Variants in PPP6R3 observed in about 807,000 individuals in gnomAD.
PPP6R3 encodes protein phosphatase 6 regulatory subunit 3.
Under a neutral mutation model 110.7 loss-of-function variants are expected in PPP6R3, and 38 were observed. The observed-to-expected ratio is 0.34, with a 90% CI of 0.26 to 0.45. The LOEUF is 0.45. PPP6R3 is among the 20% of genes least tolerant of loss of function. The pLI is 1.00. For synonymous variants in PPP6R3, 369 were observed against 373.5 expected (o/e 0.99, Z 0.14); for missense variants, 870 against 1,062.4 (o/e 0.82, Z 2.52).
rs954705194 is a variant in PPP6R3, at chr11:68,496,641, T to G, written c.-157-22860T>G. 7.9e-5 allele frequency among the ~76,000 whole-genome samples: 12 copies of G among 151,946 alleles called. 1 individual carries two copies. The South Asian group carries it at 1.0e-3, about 13-fold the overall frequency. ...GTGTGTGCCACCGCATCTGGCTAAT[T>G]TTTGTATTTTTAGTAGAGTCGGGGT... On this transcript the variant is annotated intron_variant, in intron 1 of 23. Transcript: ENST00000393800.
intron 1 of PPP6R3, among the ~76,000 whole-genome samples, chr11:68,516,410 A>G (rs1265210197): frequency 1.3e-5 from 2 of 152,244 alleles, no homozygotes; most frequent in African/African-American, 4.8e-5. Context: ...GGATATATGT[A>G]TAAAGTATAC....
intron 1 of PPP6R3, among the ~76,000 whole-genome samples, chr11:68,494,141 A>T (rs1226828736): frequency 6.6e-6 from 1 of 150,642 alleles, no homozygotes; most frequent in Non-Finnish European, 1.5e-5. Context: ...AGATAATTAG[A>T]TTTTTTTTGT....
intron 3 of PPP6R3, among the ~76,000 whole-genome samples, chr11:68,540,762 G>T (rs1221898078): frequency 6.6e-6 from 1 of 152,174 alleles, no homozygotes; most frequent in Non-Finnish European, 1.5e-5. Context: ...CTGAGAAAAA[G>T]AATTGAGCGA....
At position 68,606,125 on chromosome 11, in the gene PPP6R3, A is replaced by T. The variant is rs186342280; in HGVS notation, c.2450+2633A>T. Among the ~76,000 whole-genome samples the T allele has an allele frequency of 7.5e-4, 115 of 152,362 alleles. No homozygotes were observed. The Middle Eastern group carries it at 0.014, about 18-fold the overall frequency. On this transcript the variant is annotated intron_variant, in intron 22 of 23. Coordinates refer to ENST00000393800, the MANE Select transcript of PPP6R3 (RefSeq NM_001164161.2). Reference sequence around the variant, plus strand: ...TAGTTAGGGTTTATCCTGGAAGGCAAGGATGGCTCAAAGTCAGAGAAATCT... The same window carrying T: ...TAGTTAGGGTTTATCCTGGAAGGCATGGATGGCTCAAAGTCAGAGAAATCT...
chr11:68,489,552 T>TGTG (rs1491233294), intron 1 of PPP6R3, among the ~76,000 whole-genome samples: 7,585 of 144,976 alleles, frequency 0.052, 367 homozygotes, highest in East Asian at 0.18. Context: ...TACTGTGTGT[T>TGTG]TGTGTGTGTG....
Position 68,614,713 on chromosome 11 carries a change from C to T in PPP6R3, c.*1596C>T, listed in dbSNP as rs541313410. 8 of 1,532,318 alleles carry T rather than the reference C, an allele frequency of 5.2e-6. No individual in the cohort carries two copies. The South Asian group carries it at 8.6e-5, about 16-fold the overall frequency. 94.9% of individuals were successfully genotyped at this position (1,532,318 alleles called of 1,614,324 possible). On this transcript the variant is annotated 3_prime_UTR_variant, in exon 24 of 24. Transcript: ENST00000393800. ...AGGTGGCAAGGGTGGGTCCCTTGAC[C>T]TTTGCACGCCTCCTCAGGAACCCCC...
At chr11:68,470,616 T>C (rs2098784244) in intron 1 of PPP6R3, among the ~76,000 whole-genome samples, 1 of 152,138 alleles carries the variant, frequency 6.6e-6, no homozygotes, top group African/African-American at 2.4e-5. Context: ...CCTGTGCTGC[T>C]GGAGGGAGGT....
intron 2 of PPP6R3, among the ~76,000 whole-genome samples, chr11:68,520,730 A>G (rs1352781530): frequency 1.3e-5 from 2 of 152,150 alleles, no homozygotes; most frequent in African/African-American, 4.8e-5. Flanking sequence ...CTCTGCAAGT[A>G]TTCATTCCCC....
rs1258106213 is a variant in PPP6R3 at position 68,614,181 on chromosome 11, T to C, written c.*1064T>C. The C allele has an allele frequency of 1.0e-5, 10 of 987,562 alleles. No homozygotes were observed. Among genetic ancestry groups the C allele is most frequent in the African/African-American group, 3.5e-5 (2 of 57,252 alleles). 61.2% of individuals were successfully genotyped at this position (987,562 alleles called of 1,614,324 possible). A position where few individuals can be genotyped will look rare whatever the true frequency, so the allele number is the denominator to read the frequency against. On this transcript the variant is annotated 3_prime_UTR_variant, in exon 24 of 24. Coordinates refer to ENST00000393800, the MANE Select transcript of PPP6R3 (RefSeq NM_001164161.2). ...GCACCGAAGCATGCTAATTGTTTACTGTACCTTGTGAGGTTTTCACTCATA... is the reference window on the plus strand; with the variant it reads ...GCACCGAAGCATGCTAATTGTTTACCGTACCTTGTGAGGTTTTCACTCATA...
intron 23 of PPP6R3, among the ~76,000 whole-genome samples, chr11:68,612,626 TC>T (rs34260086): frequency 6.6e-6 from 1 of 151,964 alleles, no homozygotes; most frequent in Non-Finnish European, 1.5e-5. Flanking sequence ...TTTCCTTTTT[TC>T]CCCCCTTTCC....
chr11:68,603,617 C>T (rs999879922), intron 22 of PPP6R3, 125 bp downstream of exon 22: 22 of 1,205,380 alleles, frequency 1.8e-5, no homozygotes, highest in Middle Eastern at 2.0e-4. Context: ...TGATGTCTTT[C>T]TGTTGTCTCC....
intron 8 of PPP6R3, among the ~76,000 whole-genome samples, chr11:68,559,859 C>T (rs555887865): frequency 1.4e-5 from 2 of 143,190 alleles, no homozygotes; most frequent in Admixed American, 7.1e-5. Context: ...CCCACCCCAG[C>T]GGTACGGTGC....
intron 1 of PPP6R3, among the ~76,000 whole-genome samples, chr11:68,463,520 C>A (rs577856195): frequency 6.6e-6 from 1 of 151,974 alleles, no homozygotes; most frequent in African/African-American, 2.4e-5. Context: ...GAGGCAGCCT[C>A]TGTGTGTGTT....
intron 2 of PPP6R3, among the ~76,000 whole-genome samples, chr11:68,526,779 A>G (rs547691875): frequency 2.6e-5 from 4 of 152,338 alleles, no homozygotes; most frequent in Admixed American, 6.5e-5. Context: ...GAAATAACCC[A>G]TGCTTTGCAT....
chr11:68,599,252 G>C (rs1283183054), intron 19 of PPP6R3, among the ~76,000 whole-genome samples: 3 of 152,216 alleles, frequency 2.0e-5, no homozygotes, highest in African/African-American at 7.2e-5. Flanking sequence ...CCCCAGCAAA[G>C]AATTGAGGAT....
chr11:68,610,653 C>A (rs1450297529), intron 23 of PPP6R3, among the ~76,000 whole-genome samples: 1 of 152,130 alleles, frequency 6.6e-6, no homozygotes. Context: ...CTCAGCCACC[C>A]GGAGCCCATG....
chr11:68,542,763 C>T (rs185931462), intron 3 of PPP6R3, among the ~76,000 whole-genome samples: 1 of 152,294 alleles, frequency 6.6e-6, no homozygotes, highest in Admixed American at 6.5e-5. Context: ...AACCAGAACT[C>T]TGAGCTTTTT....
At chr11:68,555,640 A>G (rs894064978) in intron 7 of PPP6R3, among the ~76,000 whole-genome samples, 2 of 152,188 alleles carry the variant, frequency 1.3e-5, no homozygotes, top group African/African-American at 4.8e-5. Context: ...ATTTGGACCC[A>G]ATGTGTAACC....
chr11:68,466,909 G>A (rs191374116), intron 1 of PPP6R3, among the ~76,000 whole-genome samples: 412 of 151,544 alleles, frequency 2.7e-3, no homozygotes, highest in African/African-American at 9.5e-3. Context: ...CACCGCGCCT[G>A]GCCATTTTTT....
Sources: gnomAD v4.1 joint callset for allele counts (sites outside exome capture counted in the v4.1 genomes callset) on GRCh38, gnomAD v4.1.1 for gene constraint, MANE v1.5 for transcripts, NCBI Gene and HGNC (gene_info 2026-07-23, HGNC 2026-07-21) for gene names.